RHOBTB3: variants seen among roughly 807,000 people sequenced by gnomAD.
The protein encoded by RHOBTB3 is rho-related BTB domain-containing protein 3.
A neutral mutation model predicts 67.2 loss-of-function variants in RHOBTB3; 47 were observed. The observed-to-expected ratio is 0.70, with a 90% CI of 0.55 to 0.89. RHOBTB3 has a LOEUF of 0.89. RHOBTB3 is among the 40% of genes least tolerant of loss of function. RHOBTB3 has a pLI of 0.00. For synonymous variants in RHOBTB3, 273 were observed against 274.2 expected (o/e 1.00, Z 0.04); for missense variants, 631 against 750.0 (o/e 0.84, Z 1.85).
rs1475502228 is a variant in RHOBTB3 at position 95,749,560 on chromosome 5, A to G, written c.570+1073A>G. On this transcript the variant is annotated intron_variant, in intron 4 of 11. Transcript: ENST00000379982. ...AGAAACTTTTGTTGCATTCATTTAT[A>G]GTGATGAGCAGTGAGTAGAAAGGTG... is the stretch of plus-strand genomic sequence containing the variant. Among the ~76,000 whole-genome samples, 3 of 152,238 alleles carry G rather than the reference A, an allele frequency of 2.0e-5. No individual in the cohort carries two copies. In the South Asian group the frequency reaches 6.2e-4, roughly 32 times the overall value.
At chr5:95,759,513 T>C (rs1288588001) in intron 6 of RHOBTB3, among the ~76,000 whole-genome samples, 4 of 152,238 alleles carry the variant, frequency 2.6e-5, no homozygotes, top group Non-Finnish European at 5.9e-5. Context: ...CAGATTCCAC[T>C]ATCAACAGAA....
chr5:95,783,710 T>G, intron 9 of RHOBTB3, 87 bp from the exon 10 acceptor site: 2 of 1,119,172 alleles, frequency 1.8e-6, no homozygotes, highest in Non-Finnish European at 2.6e-6. Context: ...GTTTTTTTAA[T>G]TGTTGTTTTT....
intron 1 of RHOBTB3, chr5:95,717,810 G>A (rs1341185107): frequency 6.6e-6 from 1 of 152,212 alleles, no homozygotes; most frequent in Admixed American, 6.5e-5. Flanking sequence ...GTTGTCTCTA[G>A]AAGGGTGAGA....
intron 1 of RHOBTB3, among the ~76,000 whole-genome samples, chr5:95,718,173 TA>T (rs1356297054): frequency 4.6e-5 from 7 of 152,130 alleles, no homozygotes; most frequent in African/African-American, 1.4e-4. Context: ...TTTTTTCTTT[TA>T]AAAAAAGTTG....
chr5:95,735,769 C>T (rs1164151691), intron 2 of RHOBTB3, among the ~76,000 whole-genome samples: 3 of 152,214 alleles, frequency 2.0e-5, no homozygotes, highest in African/African-American at 7.2e-5. Context: ...ATTTTCCTTA[C>T]ATCACTATTC....
intron 3 of RHOBTB3, among the ~76,000 whole-genome samples, chr5:95,738,932 T>G (rs1755527767): frequency 6.6e-6 from 1 of 152,174 alleles, no homozygotes; most frequent in Non-Finnish European, 1.5e-5. Flanking sequence ...ACTATCTGTC[T>G]CCTTTGCCTT....
At chr5:95,725,475 C>G (rs1292900532) in intron 1 of RHOBTB3, among the ~76,000 whole-genome samples, 1 of 152,262 alleles carries the variant, frequency 6.6e-6, no homozygotes, top group African/African-American at 2.4e-5. Flanking sequence ...AGAGGGGCGT[C>G]ATGTGTGCAC....
chr5:95,775,140 T>G (rs1427066362), intron 8 of RHOBTB3, among the ~76,000 whole-genome samples: 1 of 152,164 alleles, frequency 6.6e-6, no homozygotes, highest in Non-Finnish European at 1.5e-5. Context: ...ACTGTGGCTC[T>G]ATTTAAAGTC....
intron 3 of RHOBTB3, among the ~76,000 whole-genome samples, chr5:95,742,090 G>C (rs951258975): frequency 1.3e-5 from 2 of 152,080 alleles, no homozygotes; most frequent in African/African-American, 4.8e-5. Flanking sequence ...CCCAGTCCTA[G>C]AATCAGCCAT....
At chr5:95,733,928 A>G (rs1299176175) in intron 2 of RHOBTB3, among the ~76,000 whole-genome samples, 2 of 152,154 alleles carry the variant, frequency 1.3e-5, no homozygotes, top group African/African-American at 4.8e-5. Context: ...CCACATTGCC[A>G]TTTCAGGTCT....
At chr5:95,765,184 C>T (rs1169186612) in intron 7 of RHOBTB3, among the ~76,000 whole-genome samples, 1 of 152,152 alleles carries the variant, frequency 6.6e-6, no homozygotes, top group Non-Finnish European at 1.5e-5. Flanking sequence ...CTCCAGTTCT[C>T]TCATACATTC....
In RHOBTB3 at chr5:95,748,428, A is replaced by AG. The variant is rs1475207689; in HGVS notation, c.511_512insG (p.Thr171SerfsTer4). On this transcript the variant is annotated frameshift_variant, in exon 4 of 12. Coordinates refer to ENST00000379982, the MANE Select transcript of RHOBTB3 (RefSeq NM_014899.4). LOFTEE classifies it high-confidence loss of function. ...CCAACTTGCAAAAGAACTAGGAGCGACCTATCTTGAACTCCACAGCCTTGA... is the reference window on the plus strand; with the variant it reads ...CCAACTTGCAAAAGAACTAGGAGCGAGCCTATCTTGAACTCCACAGCCTTGA... 1.1e-5 allele frequency: 18 copies of AG among 1,613,560 alleles called. No homozygotes were observed. Among genetic ancestry groups the AG allele is most frequent in the Non-Finnish European group, 1.4e-5 (17 of 1,179,670 alleles).
chr5:95,779,998 G>T, intron 8 of RHOBTB3: 1 of 442,944 alleles, frequency 2.3e-6, no homozygotes. Flanking sequence ...TCTATTTCTG[G>T]AAATACAAAC....
At chr5:95,736,136 A>G (rs999696931) in intron 2 of RHOBTB3, among the ~76,000 whole-genome samples, 4 of 152,208 alleles carry the variant, frequency 2.6e-5, no homozygotes, top group African/African-American at 9.6e-5. Context: ...GTAATAAATT[A>G]CTTACTGGCC....
chr5:95,758,258 A>G lies in RHOBTB3; in HGVS notation c.1048+2497A>G, dbSNP rs79806343. ...ATGGAAAAAAAGAGAAAGAAAAGAA[A>G]AAAGTTATCCTTCTACCCTAGACCC... On this transcript the variant is annotated intron_variant, in intron 6 of 11. Coordinates refer to ENST00000379982, the MANE Select transcript of RHOBTB3 (RefSeq NM_014899.4). Among the ~76,000 whole-genome samples the G allele has an allele frequency of 6.5e-3, 983 of 152,332 alleles. 7 individuals are homozygous for G. Among genetic ancestry groups the G allele is most frequent in the Non-Finnish European group, 0.011 (728 of 68,022 alleles).
At chr5:95,789,330 T>C (rs2112841020) in intron 11 of RHOBTB3, 1 of 152,512 alleles carries the variant, frequency 6.6e-6, no homozygotes, top group Non-Finnish European at 1.5e-5. Context: ...TGGGAGTCCC[T>C]TATATTACTT....
intron 5 of RHOBTB3, among the ~76,000 whole-genome samples, chr5:95,754,771 C>G (rs1303066939): frequency 6.6e-6 from 1 of 152,088 alleles, no homozygotes; most frequent in African/African-American, 2.4e-5. Context: ...AAGTGTTTTA[C>G]TAGAAGGAAA....
At chr5:95,732,946 T>C (rs909995133) in intron 2 of RHOBTB3, among the ~76,000 whole-genome samples, 1 of 152,204 alleles carries the variant, frequency 6.6e-6, no homozygotes, top group East Asian at 1.9e-4. Context: ...AAATGTTACA[T>C]TTAATAACAG....
chr5:95,727,497 C>A (rs1336343378), upstream of RHOBTB3, among the ~76,000 whole-genome samples: 1 of 152,092 alleles, frequency 6.6e-6, no homozygotes, highest in Non-Finnish European at 1.5e-5. Context: ...ATAAAAACAT[C>A]TAATAGAGTA....
Sources: gnomAD v4.1 joint callset for allele counts (sites outside exome capture counted in the v4.1 genomes callset) on GRCh38, gnomAD v4.1.1 for gene constraint, MANE v1.5 for transcripts, NCBI Gene and HGNC (gene_info 2026-07-23, HGNC 2026-07-21) for gene names.